XPC: variants seen among roughly 807,000 people sequenced by gnomAD.
XPC encodes DNA repair protein complementing XP-C cells.
In XPC, 76 loss-of-function variants were observed where a neutral mutation model predicts 95.8. That is an observed-to-expected ratio of 0.79 (90% CI 0.66 to 0.96). The LOEUF is 0.96. Among genes scored for constraint, XPC ranks in the 40% least tolerant of loss-of-function variants. XPC has a pLI of 0.00. For missense variants in XPC, 1,146 were observed against 1,179.8 expected, an observed-to-expected ratio of 0.97 and a Z score of 0.42; for synonymous variants, 442 against 442.1, an observed-to-expected ratio of 1.00 and a Z score of 0.00.
At chr3:14,160,904 G>A (rs73142659) in intron 7 of XPC, among the ~76,000 whole-genome samples, 1,527 of 152,142 alleles carry the variant, frequency 0.01, 26 homozygotes, top group African/African-American at 0.034. Flanking sequence ...TCCCTGCCTC[G>A]GCTTCCTCAC....
chr3:14,176,959 A>T (rs1696843176), intron 1 of XPC, among the ~76,000 whole-genome samples: 1 of 152,200 alleles, frequency 6.6e-6, no homozygotes, highest in South Asian at 2.1e-4. Context: ...AATTAGCCGG[A>T]CATGGTGTCA....
chr3:14,169,030 G>A lies in XPC; in HGVS notation c.413-650C>T, dbSNP rs150124286. On this transcript the variant is annotated intron_variant, in intron 3 of 15. Coordinates refer to ENST00000285021, the MANE Select transcript of XPC (RefSeq NM_004628.5). Reference sequence around the variant, plus strand: ...CTTACTGGCAAAGAATGCATCTAATGCCAGATCTTGGTCTCTATACATGAA... The same window carrying A: ...CTTACTGGCAAAGAATGCATCTAATACCAGATCTTGGTCTCTATACATGAA... Among the ~76,000 whole-genome samples the A allele has an allele frequency of 2.1e-3, 325 of 152,292 alleles. 2 individuals carry two copies. The highest frequency in any genetic ancestry group is 7.5e-3 in the African/African-American group (312 of 41,548).
chr3:14,177,660 G>A (rs544458057), intron 1 of XPC, among the ~76,000 whole-genome samples: 3 of 151,572 alleles, frequency 2.0e-5, no homozygotes, highest in African/African-American at 7.3e-5. Context: ...TTTAAGCTAA[G>A]AGCAATGGAA....
At chr3:14,178,409 G>C in intron 1 of XPC, 57 bp downstream of exon 1, 2 of 1,541,900 alleles carry the variant, frequency 1.3e-6, no homozygotes, top group Non-Finnish European at 1.7e-6. Flanking sequence ...CCTGCCTCTG[G>C]GCCTCCTCCG....
intron 4 of XPC, 67 bp from the exon 5 acceptor site, chr3:14,167,320 C>T (rs1696425049): frequency 7.3e-7 from 1 of 1,368,258 alleles, no homozygotes; most frequent in Non-Finnish European, 1.0e-6. Context: ...CTCCCCCAGG[C>T]AATTCCTTCT....
intron 7 of XPC, among the ~76,000 whole-genome samples, chr3:14,163,368 A>C (rs571354012): frequency 6.6e-6 from 1 of 152,232 alleles, no homozygotes; most frequent in East Asian, 1.9e-4. Context: ...CTGCCAATGG[A>C]TAAATGGATA....
rs1404515306 is a variant in XPC at position 14,167,213 on chromosome 3, C to T, written c.577G>A (p.Ala193Thr). ...ACCCCTTTATTGAAACGTTTCATCG[C>T]CCTCCGAAGATATGTCTCAAACTCC... ...KLEFETYLRR[A>T]MKRFNKGVHE... is the part of the protein sequence containing the mutation. The change falls in exon 5 of 16, where the codon GCG becomes ACG. Residue 193 changes from alanine to threonine, a missense_variant. By Grantham distance (58) the Ala-to-Thr change is moderately conservative. Coordinates refer to ENST00000285021, the MANE Select transcript of XPC (RefSeq NM_004628.5). 6.8e-6 allele frequency: 11 copies of T among 1,610,688 alleles called. No homozygotes were observed. Among genetic ancestry groups the T allele is most frequent in the African/African-American group, 1.3e-5 (1 of 74,754 alleles).
chr3:14,162,473 C>T (rs1696203304), intron 7 of XPC, among the ~76,000 whole-genome samples: 1 of 152,156 alleles, frequency 6.6e-6, no homozygotes, highest in South Asian at 2.1e-4. Context: ...GGAAATTAAC[C>T]CATACATTTA....
At chr3:14,152,606 G>T in intron 10 of XPC, 190 bp from the exon 11 acceptor site, 1 of 536,202 alleles carries the variant, frequency 1.9e-6, no homozygotes, top group Non-Finnish European at 3.3e-6. Flanking sequence ...CCTGTCTTTT[G>T]GGGGATGTGT....
intron 10 of XPC, 129 bp downstream of exon 10, chr3:14,156,206 G>A (rs552987330): frequency 3.4e-6 from 4 of 1,184,244 alleles, no homozygotes; most frequent in South Asian, 1.6e-5. Context: ...CACAGCACAC[G>A]CACACTGGCT....
chr3:14,165,005 A>G (rs1464184700), intron 6 of XPC, 72 bp from the exon 7 acceptor site: 2 of 1,551,832 alleles, frequency 1.3e-6, no homozygotes, highest in East Asian at 4.6e-5. Context: ...AGCCAAGAAA[A>G]TAAAAAGAGG....
chr3:14,152,490 C>T (rs3731150), intron 10 of XPC, 74 bp from the exon 11 acceptor site: 52 of 1,420,456 alleles, frequency 3.7e-5, no homozygotes, highest in African/African-American at 3.6e-4. Flanking sequence ...CAGTGGAGAG[C>T]GCAGCCCTGC....
intron 1 of XPC, among the ~76,000 whole-genome samples, chr3:14,175,369 T>C (rs1262042630): frequency 6.6e-6 from 1 of 152,222 alleles, no homozygotes; most frequent in East Asian, 1.9e-4. Context: ...TAGAAGCATT[T>C]TCTGCTATGT....
chr3:14,164,155 T>C (rs3731121), intron 7 of XPC, among the ~76,000 whole-genome samples: 3,142 of 152,358 alleles, frequency 0.021, 47 homozygotes, highest in Middle Eastern at 0.048. Context: ...AGAAGAGAAC[T>C]AAAGATGTCA....
chr3:14,173,031 C>T lies in XPC; in HGVS notation c.135G>A (p.Lys45=). 6.2e-7 allele frequency: 1 copy of T among 1,602,564 alleles called. No individual in the cohort carries two copies. Among genetic ancestry groups the T allele is most frequent in the Non-Finnish European group, 8.5e-7 (1 of 1,174,582 alleles). ...CTTGTGAAACTTTGGAGAGAAGGCT[C>T]TTCTTTGGGGGTTTCTCATCTTCAA... ...DAFEDEKPPK[K]SLLSKVSQGK... is the part of the protein sequence containing the mutation. The change falls in exon 2 of 16, where the codon AAG becomes AAA. Residue 45 remains lysine, a synonymous_variant. Transcript: ENST00000285021.
At chr3:14,146,281 G>A (rs1210674302) in intron 15 of XPC, 122 bp from the exon 16 acceptor site, 4 of 912,914 alleles carry the variant, frequency 4.4e-6, no homozygotes, top group Non-Finnish European at 1.7e-6. Context: ...GGAGGACAAG[G>A]GCATGGGACA....
chr3:14,170,454 A>G lies in XPC; in HGVS notation c.396T>C (p.Asp132=). 2 of 1,613,750 alleles carry G rather than the reference A, an allele frequency of 1.2e-6. No individual in the cohort carries two copies. Among genetic ancestry groups the G allele is most frequent in the Non-Finnish European group, 1.7e-6 (2 of 1,179,690 alleles). ...ATGTTTCACCTTCAACCTCTTCCCAATCATTTTCACTTTCTTCCTCTTCTT... is the reference window on the plus strand; with the variant it reads ...ATGTTTCACCTTCAACCTCTTCCCAGTCATTTTCACTTTCTTCCTCTTCTT... The part of the protein sequence containing the change: ...SNEEEEESEN[D]WEEVEELSEP... Residue 132 remains aspartate, a synonymous_variant, in exon 3 of 16, where the codon GAT becomes GAC. Transcript: ENST00000285021.
Position 14,158,568 on chromosome 3 carries a change from C to G in XPC, c.1315G>C (p.Ala439Pro), listed in dbSNP as rs201480352. 3.7e-6 allele frequency: 6 copies of G among 1,613,564 alleles called. No homozygotes were observed. In the East Asian group the frequency reaches 1.3e-4, roughly 36 times the overall value. The change falls in exon 9 of 16, where the codon GCT becomes CCT. Residue 439 changes from alanine to proline, a missense_variant. Coordinates refer to ENST00000285021, the MANE Select transcript of XPC (RefSeq NM_004628.5). The surrounding 1 kb of genome is among the most constrained non-coding windows in gnomAD (Gnocchi z 5.2). ...AGCTCAAAATCAGAGCCGCTGCCAG[C>G]CTCATCACTCCCACTCTCCTCTTTA... Reference protein sequence around the residue: ...SYKEESGSDEAGSGSDFELSS... With the variant: ...SYKEESGSDEPGSGSDFELSS...
rs546461471 is a variant in XPC, at chr3:14,148,639, G to A, written c.2343C>T (p.Arg781=). The A allele has an allele frequency of 1.3e-5, 21 of 1,613,934 alleles. No homozygotes were observed. The East Asian group carries it at 1.6e-4, about 12-fold the overall frequency. Residue 781 remains arginine, a synonymous_variant, in exon 13 of 16, where the codon CGC becomes CGT. Coordinates refer to ENST00000285021, the MANE Select transcript of XPC (RefSeq NM_004628.5). ...AGTCGATGTCCAGCTTGCGGGCCAC[G>A]CGGTGTAGATTGGGCAGGTTCAGCT... The part of the protein sequence containing the change: ...CVQLNLPNLH[R]VARKLDIDCV...
Sources: gnomAD v4.1 joint callset for allele counts (sites outside exome capture counted in the v4.1 genomes callset) on GRCh38, gnomAD v4.1.1 for gene constraint, Gnocchi (gnomAD v3.1) non-coding constraint, MANE v1.5 for transcripts, NCBI Gene and HGNC (gene_info 2026-07-23, HGNC 2026-07-21) for gene names.